The following PCNX1 variants were observed in gnomAD, a reference collection of about 807,000 sequenced individuals.
PCNX1 encodes the protein pecanex 1.
In PCNX1, 78 loss-of-function variants were observed where a neutral mutation model predicts 242.2. The ratio of observed to expected loss-of-function variants is 0.32; its 90% CI spans 0.27 to 0.39. PCNX1 has a LOEUF of 0.39. Ranked by LOEUF, PCNX1 falls within the 10% of genes least tolerant of loss-of-function variation. The pLI is 1.00. For synonymous variants in PCNX1, 1,024 were observed against 1,032.9 expected (o/e 0.99, Z 0.17); for missense variants, 2,581 against 2,856.5 (o/e 0.90, Z 2.20).
chr14:71,011,554 GTT>G lies in PCNX1; in HGVS notation c.2778+9_2778+10del. ...CGATTTTATCCACATGATGTGGTAG[GTT>G]TTTCTTTATTTTTACAACATGATAA... On this transcript the variant is annotated splice_donor_region_variant and intron_variant, in intron 10 of 35. Transcript: ENST00000304743. 6.8e-7 allele frequency: 1 copy of G among 1,476,430 alleles called. No individual in the cohort carries two copies. Among genetic ancestry groups the G allele is most frequent in the Non-Finnish European group, 9.4e-7 (1 of 1,059,670 alleles). The allele number at this position is 1,476,430 out of a possible 1,614,324, so 91.5% of individuals were successfully genotyped here.
chr14:70,968,170 T>A (rs761583540), intron 3 of PCNX1, 28 bp from the exon 4 acceptor site: 2 of 1,581,654 alleles, frequency 1.3e-6, no homozygotes, highest in Non-Finnish European at 1.7e-6. Flanking sequence ...TTTTAATTAG[T>A]TTTATTTACT....
intron 26 of PCNX1, 102 bp from the exon 27 acceptor site, chr14:71,073,443 G>T: frequency 9.0e-7 from 1 of 1,109,404 alleles, no homozygotes; most frequent in Non-Finnish European, 1.3e-6. Context: ...ACTTTCAATT[G>T]CAATAAAATA....
intron 8 of PCNX1, among the ~76,000 whole-genome samples, chr14:70,996,579 C>T (rs1042378082): frequency 3.9e-5 from 6 of 152,010 alleles, no homozygotes; most frequent in African/African-American, 4.8e-5. Flanking sequence ...AGATATCTGT[C>T]TTATGCATTA....
chr14:71,002,727 A>G (rs2059540219), intron 8 of PCNX1, among the ~76,000 whole-genome samples: 1 of 152,150 alleles, frequency 6.6e-6, no homozygotes. Context: ...ATTCCATTGT[A>G]TGAGCAGGCT....
chr14:70,966,259 A>G (rs2058375252), intron 3 of PCNX1, among the ~76,000 whole-genome samples: 1 of 152,244 alleles, frequency 6.6e-6, no homozygotes, highest in South Asian at 2.1e-4. Context: ...GTCAACAAGT[A>G]ATAGAATACT....
chr14:71,109,846 A>G lies in PCNX1; in HGVS notation c.6937A>G (p.Ile2313Val), dbSNP rs1343552903. The change falls in exon 36 of 36, where the codon ATC becomes GTC. Residue 2313 changes from isoleucine (I) to valine (V), a missense_variant. Ile to Val is a conservative substitution (Grantham distance 29). This residue lies in a region of PCNX1 where 432 missense variants were observed against 433.6 expected (regional missense o/e 1.00). Transcript: ENST00000304743. ...CSRDPGTRSH[I>V]DKAVLLVQID... ...CAGAGATCCAGGTACCAGATCCCAC[A>G]TCGACAAGGCAGTGCTTCTGGTCCA... 1 of 1,612,862 alleles carries G rather than the reference A, an allele frequency of 6.2e-7. No homozygotes were observed. Among genetic ancestry groups the G allele is most frequent in the East Asian group, 2.2e-5 (1 of 44,876 alleles).
At chr14:71,099,437 C>T (rs938747055) in intron 30 of PCNX1, among the ~76,000 whole-genome samples, 1 of 152,206 alleles carries the variant, frequency 6.6e-6, no homozygotes, top group Admixed American at 6.5e-5. Context: ...GGATTACAGG[C>T]GTGAGCCACC....
intron 1 of PCNX1, among the ~76,000 whole-genome samples, chr14:70,938,737 T>A (rs2057111502): frequency 6.6e-6 from 1 of 152,186 alleles, no homozygotes; most frequent in Non-Finnish European, 1.5e-5. Context: ...TGGTAGAATT[T>A]GGCTGTGAAT....
chr14:70,949,262 C>T (rs747533163), intron 2 of PCNX1, among the ~76,000 whole-genome samples: 253 of 23,616 alleles, frequency 0.011, 1 homozygote, highest in African/African-American at 0.03. Context: ...TACACACACA[C>T]GTGTATGCAC....
chr14:70,994,886 C>G (rs539867175), intron 7 of PCNX1, among the ~76,000 whole-genome samples: 2 of 151,902 alleles, frequency 1.3e-5, no homozygotes, highest in East Asian at 3.9e-4. Context: ...ATTTTAATCT[C>G]AAAATACCAA....
In PCNX1 at chr14:70,907,983, C is replaced by T. The variant is rs745616270; in HGVS notation, c.133C>T (p.Leu45=). The change falls in exon 1 of 36, where the codon CTG becomes TTG. Residue 45 remains leucine (L), a synonymous_variant. Transcript: ENST00000304743. Reference sequence around the variant, plus strand: ...CTACCTGTGGCTCTTTCTGCTGGGCCTGCCCTTCACCCTCTACATGGTGAG... The same window carrying T: ...CTACCTGTGGCTCTTTCTGCTGGGCTTGCCCTTCACCCTCTACATGGTGAG... The part of the protein sequence containing the change: ...HLYLWLFLLG[L]PFTLYMALPS... 1.3e-6 allele frequency: 2 copies of T among 1,598,232 alleles called. No individual in the cohort carries two copies. The highest frequency in any genetic ancestry group is 4.7e-5 in the East Asian group (2 of 42,180).
intron 7 of PCNX1, among the ~76,000 whole-genome samples, chr14:70,990,026 TA>T (rs1364554686): frequency 2.0e-5 from 3 of 152,206 alleles, no homozygotes. Flanking sequence ...TTGGAACAGA[TA>T]AACCCCTTCT....
chr14:71,061,297 A>G (rs1175092082), intron 26 of PCNX1, among the ~76,000 whole-genome samples: 1 of 152,220 alleles, frequency 6.6e-6, no homozygotes, highest in Admixed American at 6.5e-5. Flanking sequence ...AGGAGCAATC[A>G]GAAGTCTTGA....
chr14:71,085,773 GC>G, intron 28 of PCNX1: 1 of 355,470 alleles, frequency 2.8e-6, no homozygotes, highest in South Asian at 2.9e-5. Flanking sequence ...CAGTCATAAG[GC>G]CCAGACCCCA....
intron 12 of PCNX1, 87 bp downstream of exon 12, chr14:71,019,249 G>C: frequency 9.7e-7 from 1 of 1,035,672 alleles, no homozygotes; most frequent in Non-Finnish European, 1.4e-6. Context: ...ATTATAGTAA[G>C]ATAATTATTT....
At chr14:71,038,498 A>G (rs1261995653) in intron 19 of PCNX1, among the ~76,000 whole-genome samples, 1 of 151,948 alleles carries the variant, frequency 6.6e-6, no homozygotes, top group Non-Finnish European at 1.5e-5. Context: ...TGGCCATCAG[A>G]GAAATGCAAA....
rs1018549465 is a variant in PCNX1 at position 70,907,980 on chromosome 14, G to T, written c.130G>T (p.Gly44Cys). 2 of 1,598,076 alleles carry T rather than the reference G, an allele frequency of 1.3e-6. No homozygotes were observed. The highest frequency in any genetic ancestry group is 2.7e-5 in the African/African-American group (2 of 73,356). ...CCTCTACCTGTGGCTCTTTCTGCTG[G>T]GCCTGCCCTTCACCCTCTACATGGT... ...LHLYLWLFLL[G>C]LPFTLYMALP... Residue 44 changes from glycine (G) to cysteine (C), a missense_variant, in exon 1 of 36, where the codon GGC (glycine) becomes TGC (cysteine). Transcript: ENST00000304743.
At chr14:70,966,808 T>A (rs2058392923) in intron 3 of PCNX1, among the ~76,000 whole-genome samples, 1 of 152,216 alleles carries the variant, frequency 6.6e-6, no homozygotes, top group Non-Finnish European at 1.5e-5. Flanking sequence ...TAAATTTCTG[T>A]CTAGGAAGTT....
At chr14:70,994,396 G>GATACATGTGTATATAT (rs1555357306) in intron 7 of PCNX1, among the ~76,000 whole-genome samples, 1 of 96,972 alleles carries the variant, frequency 1.0e-5, no homozygotes, top group African/African-American at 3.8e-5. Context: ...ACAGGCTTAA[G>GATACATGTGTATATAT]ATATATATAT....
Sources: allele counts gnomAD v4.1 joint callset (sites outside exome capture counted in the v4.1 genomes callset), GRCh38; gene constraint gnomAD v4.1.1; regional missense constraint gnomAD v4.1.1; transcripts MANE v1.5; gene names NCBI Gene and HGNC (gene_info 2026-07-23, HGNC 2026-07-21).